Variants in TMPRSS13 observed in about 807,000 individuals in gnomAD.
TMPRSS13 encodes the protein transmembrane serine protease 13.
Under a neutral mutation model 68.4 loss-of-function variants are expected in TMPRSS13, and 50 were observed. The ratio of observed to expected loss-of-function variants is 0.73; its 90% CI spans 0.58 to 0.93. TMPRSS13 has a LOEUF of 0.93. TMPRSS13 is among the 40% of genes least tolerant of loss of function. The pLI is 0.00. For synonymous variants in TMPRSS13, 267 were observed against 285.8 expected (o/e 0.93, Z 0.66); for missense variants, 615 against 729.2 (o/e 0.84, Z 1.80).
In TMPRSS13 at chr11:117,918,571, A is replaced by G; in HGVS notation, c.289T>C (p.Ser97Pro). 1.9e-6 allele frequency: 3 copies of G among 1,614,126 alleles called. No individual in the cohort carries two copies. The highest frequency in any genetic ancestry group is 1.7e-6 in the Non-Finnish European group (2 of 1,180,028). The change falls in exon 2 of 13, where the codon TCC becomes CCC. Residue 97 changes from serine (S) to proline (P), a missense_variant. By Grantham distance (74) the Ser-to-Pro change is moderately conservative. Coordinates refer to ENST00000524993, the MANE Select transcript of TMPRSS13 (RefSeq NM_001077263.3). ...ARASPALASL[S>P]RSSSGRSSSA... ...GATGACCTGCCGGATGAGGACCTGG[A>G]AAGTGATGCCAGAGCCGGAGATGCC... is the stretch of plus-strand genomic sequence containing the variant.
At chr11:117,904,861 TTATATATATATATATATATATATA>T (rs58001868) in intron 10 of TMPRSS13, among the ~76,000 whole-genome samples, 60,348 of 100,878 alleles carry the variant, frequency 0.6, 15,800 homozygotes, top group East Asian at 0.73. Flanking sequence ...CTAGATAAGA[TTATATATATATATATATATATATA>T]TATATATATA....
chr11:117,903,554 G>T, intron 12 of TMPRSS13, 101 bp downstream of exon 12: 1 of 1,587,222 alleles, frequency 6.3e-7, no homozygotes. Flanking sequence ...ATATGGGGAC[G>T]CTGAGGGGAC....
At position 117,918,802 on chromosome 11, in the gene TMPRSS13, A is replaced by G; in HGVS notation, c.58T>C (p.Ser20Pro). 2 of 1,613,796 alleles carry G rather than the reference A, an allele frequency of 1.2e-6. No individual in the cohort carries two copies. Among genetic ancestry groups the G allele is most frequent in the Non-Finnish European group, 1.7e-6 (2 of 1,179,844 alleles). The change falls in exon 2 of 13, where the codon TCT (serine) becomes CCT (proline). Residue 20 changes from serine (S) to proline (P), a missense_variant. By Grantham distance (74) the Ser-to-Pro change is moderately conservative. Transcript: ENST00000524993. ...SPARTPSAGA[S>P]PAQASPAGTP... ...CCAGCTGGAGATGCCTGGGCTGGAG[A>G]TGCTCCAGCTGAAGGTGTTCTTGCT...
At position 117,903,821 on chromosome 11, in the gene TMPRSS13, G is replaced by A. The variant is rs984805860; in HGVS notation, c.1525-14C>T. ...CCCGCTGTCTCCCTGCAGGGGAGAG[G>A]GGGCACATTCGCAGGATGGGACAGG... is the stretch of plus-strand genomic sequence containing the variant. On this transcript the variant is annotated splice_polypyrimidine_tract_variant and intron_variant, in intron 11 of 12. Transcript: ENST00000524993. 6.2e-7 allele frequency: 1 copy of A among 1,608,718 alleles called. No individual in the cohort carries two copies.
In TMPRSS13 at chr11:117,914,070, C is replaced by T. The variant is rs142396527; in HGVS notation, c.680-164G>A. Among the ~76,000 whole-genome samples, 1 of 152,200 alleles carries T rather than the reference C, an allele frequency of 6.6e-6. No individual in the cohort carries two copies. The highest frequency in any genetic ancestry group is 2.4e-5 in the African/African-American group (1 of 41,524). ...CATGGCCTGGGTCATGGGGGTTAAC[C>T]AGTACTCAGAAGCCCAGGATGCCTA... On this transcript the variant is annotated intron_variant, in intron 4 of 12. Coordinates refer to ENST00000524993, the MANE Select transcript of TMPRSS13 (RefSeq NM_001077263.3). The surrounding 1 kb of genome is among the most constrained non-coding windows in gnomAD (Gnocchi z 4.2).
Position 117,918,463 on chromosome 11 carries a change from G to T in TMPRSS13, c.397C>A (p.Arg133=), listed in dbSNP as rs556386081. 10 of 1,614,058 alleles carry T rather than the reference G, an allele frequency of 6.2e-6. No individual in the cohort carries two copies. The highest frequency in any genetic ancestry group is 8.5e-6 in the Non-Finnish European group (10 of 1,180,034). ...GGTGCTGACCTGGCAGGAGATGATC[G>T]GATGGGTACAGCCCCCACTGGTGTT... is the stretch of plus-strand genomic sequence containing the variant. ...RATPVGAVPI[R]SSPARSAPAT... is the part of the protein sequence containing the mutation. The change falls in exon 2 of 13, where the codon CGA becomes AGA. Residue 133 remains arginine (R), a synonymous_variant. Transcript: ENST00000524993.
intron 1 of TMPRSS13, among the ~76,000 whole-genome samples, chr11:117,925,871 C>G (rs188474883): frequency 6.6e-6 from 1 of 152,276 alleles, no homozygotes; most frequent in Non-Finnish European, 1.5e-5. Context: ...CACTCCCGCA[C>G]GCTTACGCTC....
chr11:117,914,569 A>C lies in TMPRSS13; in HGVS notation c.557-55T>G, dbSNP rs2057556530. 6.2e-7 allele frequency: 1 copy of C among 1,607,714 alleles called. No homozygotes were observed. The highest frequency in any genetic ancestry group is 8.5e-7 in the Non-Finnish European group (1 of 1,178,756). ...ATGGCCAGCCCCACTGAGATGAGAC[A>C]CTGAGCAGCCCAAGGACCTGGGGGT... On this transcript the variant is annotated intron_variant, in intron 3 of 12. Transcript: ENST00000524993. This position sits in a 1 kb window ranked among gnomAD's most constrained non-coding sequence, Gnocchi z 4.2.
chr11:117,902,235 C>T lies in TMPRSS13; in HGVS notation c.*4G>A, dbSNP rs774290037. ...GGTGCTGTGCAGAGCAGCAGGCCAG[C>T]TGGTTAGGATTTTCTGAATCGCACC... On this transcript the variant is annotated 3_prime_UTR_variant, in exon 13 of 13. Transcript: ENST00000524993. 1 of 1,613,364 alleles carries T rather than the reference C, an allele frequency of 6.2e-7. No individual in the cohort carries two copies.
rs1351476903 is a variant in TMPRSS13, at chr11:117,918,453, GGA to G, written c.405_406del (p.Pro136CysfsTer76). The stretch of plus-strand genomic sequence containing the variant: ...CCTGGTTGCTGGTGCTGACCTGGCA[GGA>G]GATGATCGGATGGGTACAGCCCCCA... On this transcript the variant is annotated frameshift_variant, in exon 2 of 13. Coordinates refer to ENST00000524993, the MANE Select transcript of TMPRSS13 (RefSeq NM_001077263.3). LOFTEE classifies it high-confidence loss of function. 6.2e-7 allele frequency: 1 copy of G among 1,614,068 alleles called. No homozygotes were observed. Among genetic ancestry groups the G allele is most frequent in the Non-Finnish European group, 8.5e-7 (1 of 1,180,024 alleles).
At chr11:117,918,291 C>G in intron 2 of TMPRSS13, 118 bp downstream of exon 2, 1 of 1,182,220 alleles carries the variant, frequency 8.5e-7, no homozygotes. Context: ...CACCCCCCTA[C>G]CTCCCCTTCC....
chr11:117,917,129 C>T, intron 3 of TMPRSS13, 41 bp downstream of exon 3: 1 of 1,541,028 alleles, frequency 6.5e-7, no homozygotes, highest in Non-Finnish European at 8.9e-7. Flanking sequence ...CTCTGCCCAG[C>T]AGTGCCCAGA....
chr11:117,910,731 G>C lies in TMPRSS13; in HGVS notation c.922C>G (p.Arg308Gly). Residue 308 changes from arginine (R) to glycine (G), a missense_variant, in exon 7 of 13, where the codon CGG (arginine) becomes GGG (glycine). Arg to Gly is a moderately radical substitution (Grantham distance 125). Transcript: ENST00000524993. ...SLHRSECPSQ[R>G]YISLQCSHCG... ...CGGGAACACTGGAGAGAGATATACC[G>C]CTGGGAAGGGCATTCAGACCTGCAG... The C allele has an allele frequency of 6.2e-7, 1 of 1,608,622 alleles. No homozygotes were observed. Among genetic ancestry groups the C allele is most frequent in the South Asian group, 1.1e-5 (1 of 90,092 alleles).
chr11:117,902,429 G>C (rs759015003), intron 12 of TMPRSS13, among the ~76,000 whole-genome samples, 164 bp from the exon 13 acceptor site: 21 of 152,218 alleles, frequency 1.4e-4, no homozygotes, highest in Non-Finnish European at 1.0e-4. Context: ...GGATTGGAGG[G>C]CCTCTCTGCA....
intron 9 of TMPRSS13, 39 bp from the exon 10 acceptor site, chr11:117,905,775 C>T (rs1344771943): frequency 2.0e-6 from 3 of 1,511,492 alleles, no homozygotes; most frequent in Non-Finnish European, 2.7e-6. Context: ...AGGAACAAGG[C>T]TGAGACTTTC....
chr11:117,923,369 C>A (rs1229739469), intron 1 of TMPRSS13, among the ~76,000 whole-genome samples: 4 of 147,318 alleles, frequency 2.7e-5, no homozygotes, highest in Non-Finnish European at 5.9e-5. Context: ...GTTAGCCAGC[C>A]CCTGAGTATG....
chr11:117,909,337 T>G (rs1185508224), intron 8 of TMPRSS13, among the ~76,000 whole-genome samples: 1 of 152,138 alleles, frequency 6.6e-6, no homozygotes, highest in Non-Finnish European at 1.5e-5. Context: ...CCAGAGCTCT[T>G]TCCTGCCCAC....
chr11:117,920,173 C>A (rs986230967), intron 1 of TMPRSS13, among the ~76,000 whole-genome samples: 3 of 152,112 alleles, frequency 2.0e-5, no homozygotes, highest in Admixed American at 2.0e-4. Flanking sequence ...CAGCTGGGCG[C>A]CCCAGGCAAG....
chr11:117,903,524 C>T (rs2057429718), intron 12 of TMPRSS13, 131 bp downstream of exon 12: 1 of 1,556,086 alleles, frequency 6.4e-7, no homozygotes, highest in East Asian at 2.4e-5. Flanking sequence ...ACATTTGACC[C>T]TGTCCAGAAC....
Sources: allele counts gnomAD v4.1 joint callset (sites outside exome capture counted in the v4.1 genomes callset), GRCh38; gene constraint gnomAD v4.1.1; non-coding constraint Gnocchi (gnomAD v3.1); transcripts MANE v1.5; gene names NCBI Gene and HGNC (gene_info 2026-07-23, HGNC 2026-07-21).